The following THSD4 variants were observed in gnomAD, a reference collection of about 807,000 sequenced individuals.
THSD4 encodes the protein thrombospondin type-1 domain-containing protein 4.
In THSD4, 69 loss-of-function variants were observed where a neutral mutation model predicts 119.0. The observed-to-expected ratio is 0.58, with a 90% CI of 0.48 to 0.71. THSD4 has a LOEUF of 0.71. Ranked by LOEUF, THSD4 falls within the 30% of genes least tolerant of loss-of-function variation. The probability of loss-of-function intolerance (pLI) is 0.00; values close to 1 mark genes in which losing one functional copy is unlikely to be tolerated. For missense variants in THSD4, 1,393 were observed against 1,391.1 expected (o/e 1.00, Z -0.02); for synonymous variants, 524 against 540.4 (o/e 0.97, Z 0.42).
intron 7 of THSD4, among the ~76,000 whole-genome samples, chr15:71,620,560 A>T (rs1442652723): frequency 6.6e-6 from 1 of 152,158 alleles, no homozygotes; most frequent in African/African-American, 2.4e-5. Context: ...TTGTCTGATG[A>T]TATGTCATTA....
At chr15:71,662,428 T>A (rs1027908229) in intron 8 of THSD4, among the ~76,000 whole-genome samples, 1 of 152,174 alleles carries the variant, frequency 6.6e-6, no homozygotes, top group African/African-American at 2.4e-5. Flanking sequence ...AAAATAGTGT[T>A]TGTGTGTTTC....
chr15:71,407,456 C>T (rs895844349), intron 6 of THSD4, among the ~76,000 whole-genome samples: 5 of 152,116 alleles, frequency 3.3e-5, no homozygotes, highest in Non-Finnish European at 5.9e-5. Flanking sequence ...TTTAAAAACT[C>T]TTCACTATTA....
chr15:71,204,828 T>A (rs548428964), intron 3 of THSD4, among the ~76,000 whole-genome samples: 3 of 152,222 alleles, frequency 2.0e-5, no homozygotes, highest in Non-Finnish European at 1.5e-5. Context: ...CATGAATGTT[T>A]CCTTGTCTCG....
chr15:71,528,584 G>A (rs1205098367), intron 7 of THSD4, among the ~76,000 whole-genome samples: 1 of 152,198 alleles, frequency 6.6e-6, no homozygotes, highest in Non-Finnish European at 1.5e-5. Context: ...TAAGATGTCT[G>A]TCAGGCATCC....
intron 7 of THSD4, among the ~76,000 whole-genome samples, chr15:71,602,736 T>C (rs533753164): frequency 3.9e-5 from 6 of 152,206 alleles, no homozygotes; most frequent in Admixed American, 3.3e-4. Context: ...GAATGGGCAG[T>C]GACTGCTAAT....
chr15:71,777,534 C>T lies in THSD4; in HGVS notation c.*160C>T, dbSNP rs1021761422. ...TCCGGTGAATGCACCCCGTGGTACC[C>T]AGGGGCTTTTTACACAAGATGTTTG... On this transcript the variant is annotated 3_prime_UTR_variant, in exon 18 of 18. Transcript: ENST00000261862. 1.7e-5 allele frequency: 17 copies of T among 984,346 alleles called. No individual in the cohort carries two copies. In the African/African-American group the frequency reaches 2.5e-4, roughly 14 times the overall value. The allele number at this position is 984,346 out of a possible 1,614,324, so 61.0% of individuals were successfully genotyped here. A position where few individuals can be genotyped will look rare whatever the true frequency, so the allele number is the denominator to read the frequency against.
At chr15:71,676,650 C>A (rs1238674606) in intron 8 of THSD4, among the ~76,000 whole-genome samples, 1 of 152,142 alleles carries the variant, frequency 6.6e-6, no homozygotes, top group Non-Finnish European at 1.5e-5. Context: ...GTCCTCCAAG[C>A]CCCTGGTAAC....
At chr15:71,138,980 C>G (rs1030001175) in intron 1 of THSD4, among the ~76,000 whole-genome samples, 3 of 150,734 alleles carry the variant, frequency 2.0e-5, no homozygotes, top group South Asian at 2.1e-4. Flanking sequence ...TCCCTCCCCC[C>G]CCCATTTTAC....
At chr15:71,254,470 C>T (rs2044292484) in intron 5 of THSD4, among the ~76,000 whole-genome samples, 1 of 152,234 alleles carries the variant, frequency 6.6e-6, no homozygotes, top group African/African-American at 2.4e-5. Context: ...TTAGGATGCA[C>T]AGGCCACACC....
intron 7 of THSD4, among the ~76,000 whole-genome samples, chr15:71,502,445 G>A (rs1413050048): frequency 1.3e-5 from 2 of 152,162 alleles, no homozygotes; most frequent in African/African-American, 4.8e-5. Flanking sequence ...GATCACAGAT[G>A]AAAAGGAACA....
rs553003009 is a variant in THSD4 at position 71,482,533 on chromosome 15, G to A, written c.1152+70710G>A. On this transcript the variant is annotated intron_variant, in intron 7 of 17. Coordinates refer to ENST00000261862, the MANE Select transcript of THSD4 (RefSeq NM_024817.3). ...TCTTGATATCCTGACCTCGTGATCT[G>A]CCTGCCTCGGCCTCCCAAAGTGCTG... Among the ~76,000 whole-genome samples, 74 of 151,660 alleles carry A rather than the reference G, an allele frequency of 4.9e-4. 2 individuals are homozygous for A. The South Asian group carries it at 0.011, about 22-fold the overall frequency.
Position 71,747,024 on chromosome 15 carries a change from C to G in THSD4, c.2223C>G (p.Ile741Met), listed in dbSNP as rs951100562. 1.2e-6 allele frequency: 2 copies of G among 1,610,288 alleles called. No individual in the cohort carries two copies. Among genetic ancestry groups the G allele is most frequent in the Non-Finnish European group, 1.7e-6 (2 of 1,179,250 alleles). Reference sequence around the variant, plus strand: ...TCAAGATCTGCAGCGAGTGGCAGATCCGGACCGACTGGACCTCGGTACGCA... The same window carrying G: ...TCAAGATCTGCAGCGAGTGGCAGATGCGGACCGACTGGACCTCGGTACGCA... ...CQLKICSEWQ[I>M]RTDWTSCSVP... The change falls in exon 13 of 18, where the codon ATC becomes ATG. Residue 741 changes from isoleucine to methionine, a missense_variant. Physicochemically the swap from Ile to Met is conservative, Grantham distance 10. Transcript: ENST00000261862.
chr15:71,263,240 T>G (rs1430470452), intron 6 of THSD4, among the ~76,000 whole-genome samples: 1 of 151,590 alleles, frequency 6.6e-6, no homozygotes, highest in Non-Finnish European at 1.5e-5. Context: ...GTTCCTGAAT[T>G]AGTTTGCTGG....
At chr15:71,610,623 T>C (rs2050205441) in intron 7 of THSD4, among the ~76,000 whole-genome samples, 1 of 152,230 alleles carries the variant, frequency 6.6e-6, no homozygotes, top group Admixed American at 6.5e-5. Flanking sequence ...TAACACTGTC[T>C]GTGCTCATGT....
rs950598983 is a variant in THSD4 at position 71,411,682 on chromosome 15, G to A, written c.1016-5G>A. ...ATTTTATTTTATTTCATTTTACTTT[G>A]GTAGTAAAAGGCAATCGCAAATGTG... On this transcript the variant is annotated splice_polypyrimidine_tract_variant and splice_region_variant and intron_variant, in intron 6 of 17. Coordinates refer to ENST00000261862, the MANE Select transcript of THSD4 (RefSeq NM_024817.3). 6.2e-7 allele frequency: 1 copy of A among 1,612,642 alleles called. No homozygotes were observed. The highest frequency in any genetic ancestry group is 8.5e-7 in the Non-Finnish European group (1 of 1,179,246).
Position 71,256,717 on chromosome 15 carries a change from T to C in THSD4, c.1015+2T>C. ...ATGAGTGGGAACCATTTGCAGAAGG[T>C]AAGAATAGACCCAGCCCTGTCCATA... On this transcript the variant is annotated splice_donor_variant, in intron 6 of 17. Coordinates refer to ENST00000261862, the MANE Select transcript of THSD4 (RefSeq NM_024817.3). LOFTEE classifies it high-confidence loss of function. 1 of 1,613,062 alleles carries C rather than the reference T, an allele frequency of 6.2e-7. No homozygotes were observed. The highest frequency in any genetic ancestry group is 1.1e-5 in the South Asian group (1 of 91,000).
chr15:71,357,459 T>C (rs1433113792), intron 6 of THSD4, among the ~76,000 whole-genome samples: 2 of 152,186 alleles, frequency 1.3e-5, no homozygotes, highest in African/African-American at 4.8e-5. Flanking sequence ...TGGGACTCCC[T>C]GCAGACTGGC....
At chr15:71,133,734 A>C (rs767996889) in intron 1 of THSD4, among the ~76,000 whole-genome samples, 1 of 152,218 alleles carries the variant, frequency 6.6e-6, no homozygotes, top group Non-Finnish European at 1.5e-5. Context: ...AAGCAGGAAC[A>C]AATGGCTCAT....
rs117406295 is a variant in THSD4, at chr15:71,201,291, T to C, written c.100-13744T>C. On this transcript the variant is annotated intron_variant, in intron 3 of 17. Coordinates refer to ENST00000261862, the MANE Select transcript of THSD4 (RefSeq NM_024817.3). The stretch of plus-strand genomic sequence containing the variant: ...ACATGGTCTATTTGGCCATCTGGGA[T>C]GCTAAACAGATTAGCGACTCTCCTA... 2.4e-3 allele frequency among the ~76,000 whole-genome samples: 365 copies of C among 152,332 alleles called. 3 individuals are homozygous for C. Among genetic ancestry groups the C allele is most frequent in the Non-Finnish European group, 2.4e-3 (160 of 68,032 alleles).
Sources: gnomAD v4.1 joint callset for allele counts (sites outside exome capture counted in the v4.1 genomes callset) on GRCh38, gnomAD v4.1.1 for gene constraint, MANE v1.5 for transcripts, NCBI Gene and HGNC (gene_info 2026-07-23, HGNC 2026-07-21) for gene names.